Variants in ROBO2 observed in about 807,000 individuals in gnomAD.
ROBO2 encodes the protein roundabout guidance receptor 2, also known as roundabout homolog 2.
Under a neutral mutation model 160.8 loss-of-function variants are expected in ROBO2, and 53 were observed. The ratio of observed to expected loss-of-function variants is 0.33; its 90% confidence interval spans 0.26 to 0.41. The LOEUF is 0.41. Among genes scored for constraint, ROBO2 ranks in the 10% least tolerant of loss-of-function variants. ROBO2 has a pLI of 1.00. For missense variants in ROBO2, 1,577 were observed against 1,722.4 expected (o/e 0.92, Z 1.49); for synonymous variants, 664 against 611.7 (o/e 1.09, Z -1.26).
At chr3:76,937,081 G>A (rs1335549035) in intron 2 of ROBO2, among the ~76,000 whole-genome samples, 1 of 152,026 alleles carries the variant, frequency 6.6e-6, no homozygotes, top group Admixed American at 6.6e-5. Flanking sequence ...CCATTTTCTT[G>A]CTTGTACTTA....
intron 2 of ROBO2, among the ~76,000 whole-genome samples, chr3:76,399,267 G>C (rs1182603515): frequency 6.8e-6 from 1 of 147,082 alleles, no homozygotes; most frequent in East Asian, 1.9e-4. Flanking sequence ...CGTGACAACT[G>C]TCTGCTGTGT....
At chr3:77,527,772 G>A (rs1274790297) in intron 6 of ROBO2, among the ~76,000 whole-genome samples, 1 of 151,484 alleles carries the variant, frequency 6.6e-6, no homozygotes, top group Admixed American at 6.6e-5. Context: ...TATTAGTTAT[G>A]TTTGATGTTA....
rs150020238 is a variant in ROBO2, at chr3:77,392,381, C to T, written c.389-85033C>T. ...GACAGGATAAGCTGCAACGGCAACC[C>T]TGCATTCTGCCATGGATCCAAACTA... is the stretch of plus-strand genomic sequence containing the variant. On this transcript the variant is annotated intron_variant, in intron 2 of 25. Transcript: ENST00000461745. 3.3e-5 allele frequency among the ~76,000 whole-genome samples: 5 copies of T among 152,322 alleles called. No individual in the cohort carries two copies. The East Asian group carries it at 9.6e-4, about 29-fold the overall frequency.
At chr3:77,049,335 A>C (rs2064996660) in intron 1 of ROBO2, among the ~76,000 whole-genome samples, 1 of 152,112 alleles carries the variant, frequency 6.6e-6, no homozygotes. Flanking sequence ...CCACACACAC[A>C]CTCACACAAA....
At chr3:77,271,717 G>GATGAACTAGTTTAAGATACTCT in intron 2 of ROBO2, among the ~76,000 whole-genome samples, 1 of 152,228 alleles carries the variant, frequency 6.6e-6, no homozygotes. Context: ...CCTGGTGTTT[G>GATGAACTAGTTTAAGATACTCT]TTGGTTGTGG....
intron 2 of ROBO2, among the ~76,000 whole-genome samples, chr3:76,220,010 A>G (rs1206986739): frequency 1.3e-5 from 2 of 152,086 alleles, no homozygotes; most frequent in African/African-American, 4.8e-5. Context: ...AAAAATGGTG[A>G]GTTCATGTCC....
At chr3:77,059,277 A>G (rs2066058001) in intron 1 of ROBO2, among the ~76,000 whole-genome samples, 1 of 152,144 alleles carries the variant, frequency 6.6e-6, no homozygotes, top group African/African-American at 2.4e-5. Context: ...AAGAAAGTCA[A>G]GTGGCTGGTA....
chr3:77,382,817 A>G (rs1355006739), intron 2 of ROBO2, among the ~76,000 whole-genome samples: 1 of 152,176 alleles, frequency 6.6e-6, no homozygotes, highest in Non-Finnish European at 1.5e-5. Flanking sequence ...TCCACTCATT[A>G]GTCAATAGGC....
At chr3:75,949,482 C>T (rs1189691651) in intron 2 of ROBO2, among the ~76,000 whole-genome samples, 1 of 152,064 alleles carries the variant, frequency 6.6e-6, no homozygotes, top group Non-Finnish European at 1.5e-5. Context: ...GTAAGGTTTG[C>T]ATGGCATGGT....
intron 2 of ROBO2, among the ~76,000 whole-genome samples, chr3:77,286,903 C>T (rs559371659): frequency 5.9e-5 from 9 of 152,226 alleles, no homozygotes; most frequent in South Asian, 4.1e-4. Flanking sequence ...TTGAGTAATA[C>T]GCTGCTAAGA....
At chr3:76,689,299 A>G (rs2092749805) in intron 2 of ROBO2, among the ~76,000 whole-genome samples, 1 of 152,104 alleles carries the variant, frequency 6.6e-6, no homozygotes, top group Non-Finnish European at 1.5e-5. Context: ...CAAAGTTAAT[A>G]AATCTTGTAC....
At chr3:77,541,244 T>A (rs574255543) in intron 6 of ROBO2, among the ~76,000 whole-genome samples, 12 of 152,298 alleles carry the variant, frequency 7.9e-5, no homozygotes, top group African/African-American at 2.6e-4. Context: ...TATTTTCCTG[T>A]TAAAACAACT....
At chr3:76,246,415 CTAAT>C (rs760707285) in intron 2 of ROBO2, among the ~76,000 whole-genome samples, 7 of 152,104 alleles carry the variant, frequency 4.6e-5, no homozygotes, top group Non-Finnish European at 1.0e-4. Flanking sequence ...GTTTTGAAAA[CTAAT>C]TAGTAAATAA....
At chr3:76,067,638 C>T (rs1413704061) in intron 2 of ROBO2, among the ~76,000 whole-genome samples, 10 of 152,032 alleles carry the variant, frequency 6.6e-5, no homozygotes, top group African/African-American at 1.7e-4. Flanking sequence ...GAAACATTTC[C>T]GAGAGGGCCT....
At chr3:76,527,746 A>T (rs2082023030) in intron 2 of ROBO2, among the ~76,000 whole-genome samples, 1 of 152,180 alleles carries the variant, frequency 6.6e-6, no homozygotes, top group Admixed American at 6.5e-5. Flanking sequence ...ATAATGATAA[A>T]TGTTATGTAG....
At chr3:76,277,696 A>T (rs1708007775) in intron 2 of ROBO2, among the ~76,000 whole-genome samples, 1 of 152,000 alleles carries the variant, frequency 6.6e-6, no homozygotes, top group South Asian at 2.1e-4. Context: ...TTCTTGGTAT[A>T]TAGAAAGATG....
chr3:76,978,476 A>G (rs1023477369), intron 2 of ROBO2, among the ~76,000 whole-genome samples: 1 of 152,158 alleles, frequency 6.6e-6, no homozygotes, highest in African/African-American at 2.4e-5. Context: ...GTCTTTTAAC[A>G]ATGAATAAAT....
chr3:76,738,865 A>G (rs149622361), intron 2 of ROBO2, among the ~76,000 whole-genome samples: 198 of 152,172 alleles, frequency 1.3e-3, no homozygotes, highest in Admixed American at 3.0e-3. Flanking sequence ...TAAAAATACT[A>G]CTACATGTTT....
chr3:76,154,980 A>G (rs532745852), intron 2 of ROBO2, among the ~76,000 whole-genome samples: 3 of 152,252 alleles, frequency 2.0e-5, no homozygotes, highest in African/African-American at 7.2e-5. Context: ...CAGATAAAAA[A>G]TCTGAATTGG....
Sources: allele counts gnomAD v4.1 joint callset (sites outside exome capture counted in the v4.1 genomes callset), GRCh38; gene constraint gnomAD v4.1.1; transcripts MANE v1.5; gene names NCBI Gene and HGNC (gene_info 2026-07-23, HGNC 2026-07-21).